The following ANKRD36B variants were observed in gnomAD, a reference collection of about 807,000 sequenced individuals.
ANKRD36B encodes the protein ankyrin repeat domain-containing protein 36B.
Under a neutral mutation model 135.7 loss-of-function variants are expected in ANKRD36B, and 37 were observed. The ratio of observed to expected loss-of-function variants is 0.27; its 90% CI spans 0.21 to 0.36. The LOEUF is 0.36. Ranked by LOEUF, ANKRD36B falls within the 10% of genes least tolerant of loss-of-function variation. The pLI is 1.00. For missense variants in ANKRD36B, 549 were observed against 1,037.1 expected (o/e 0.53, Z 6.46); for synonymous variants, 179 against 348.1 (o/e 0.51, Z 5.41).
intron 14 of ANKRD36B, among the ~76,000 whole-genome samples, chr2:97,553,807 G>A (rs1426424731): frequency 6.6e-6 from 1 of 151,842 alleles, no homozygotes; most frequent in Non-Finnish European, 1.5e-5. Flanking sequence ...TCATTAACTT[G>A]CCCAGTAACT....
At chr2:97,565,538 A>C (rs2081362141) in intron 6 of ANKRD36B, among the ~76,000 whole-genome samples, 1 of 152,236 alleles carries the variant, frequency 6.6e-6, no homozygotes, top group South Asian at 2.1e-4. Context: ...AAAAGTGGGC[A>C]AAGGATATGA....
rs1427430424 is a variant in ANKRD36B, at chr2:97,537,242, T to C, written c.2090-746A>G. The stretch of plus-strand genomic sequence containing the variant: ...AATTGCTCCAGGCATTAGATATTAA[T>C]AAACTTACACATTTGGAAATCAGTC... On this transcript the variant is annotated intron_variant, in intron 32 of 43. Transcript: ENST00000359901. 4.1e-5 allele frequency among the ~76,000 whole-genome samples: 4 copies of C among 96,538 alleles called. 1 individual carries two copies. The highest frequency in any genetic ancestry group is 8.2e-5 in the Non-Finnish European group (3 of 36,392). The allele number at this position is 96,538 out of a possible 152,430, so 63.3% of individuals were successfully genotyped here.
chr2:97,589,418 A>G (rs1197598116), intron 1 of ANKRD36B, 107 bp downstream of exon 1: 2 of 394,242 alleles, frequency 5.1e-6, no homozygotes, highest in East Asian at 1.8e-4. Flanking sequence ...GCCCCCGTCC[A>G]TACCCCGAGC....
chr2:97,566,099 A>C (rs1335856000), intron 6 of ANKRD36B, among the ~76,000 whole-genome samples: 2 of 151,828 alleles, frequency 1.3e-5, no homozygotes, highest in East Asian at 3.9e-4. Context: ...GGATCACACG[A>C]GGTCAAAAGT....
At position 97,556,925 on chromosome 2, in the gene ANKRD36B, T is replaced by C. The variant is rs554595116; in HGVS notation, c.1069+12A>G. On this transcript the variant is annotated intron_variant, in intron 12 of 43. Transcript: ENST00000359901. ...GAGTGCACATGACATTAAATGTGTATTGCCAAATTACCTGTTCCAGATTTC... is the reference window on the plus strand; with the variant it reads ...GAGTGCACATGACATTAAATGTGTACTGCCAAATTACCTGTTCCAGATTTC... The C allele has an allele frequency of 1.3e-4, 206 of 1,579,348 alleles. 2 individuals are homozygous for C. In the South Asian group the frequency reaches 2.2e-3, roughly 17 times the overall value.
At chr2:97,559,373 G>T (rs2080821431) in intron 8 of ANKRD36B, among the ~76,000 whole-genome samples, 1 of 151,882 alleles carries the variant, frequency 6.6e-6, no homozygotes, top group African/African-American at 2.4e-5. Context: ...CAAGAAATCA[G>T]AAGGATTTAC....
Position 97,545,575 on chromosome 2 carries a change from G to T in ANKRD36B, c.1681+91C>A, listed in dbSNP as rs1576905117. 1.4e-5 allele frequency: 10 copies of T among 702,324 alleles called. 3 individuals are homozygous for T. Among genetic ancestry groups the T allele is most frequent in the East Asian group, 5.8e-5 (2 of 34,426 alleles). The allele number at this position is 702,324 out of a possible 1,614,324, so 43.5% of individuals were successfully genotyped here. A position where few individuals can be genotyped will look rare whatever the true frequency, so the allele number is the denominator to read the frequency against. On this transcript the variant is annotated intron_variant, in intron 24 of 43. Coordinates refer to ENST00000359901, the MANE Select transcript of ANKRD36B (RefSeq NM_001393939.1). Reference sequence around the variant, plus strand: ...CAGGAATACTAAATCAGAACATGAAGATTTGACGAACCCCCCGCTGCTTTA... The same window carrying T: ...CAGGAATACTAAATCAGAACATGAATATTTGACGAACCCCCCGCTGCTTTA...
At chr2:97,558,459 G>C (rs1424149560) in intron 10 of ANKRD36B, among the ~76,000 whole-genome samples, 1 of 151,870 alleles carries the variant, frequency 6.6e-6, no homozygotes, top group African/African-American at 2.4e-5. Flanking sequence ...GCAATACGAT[G>C]TGATGTCTGT....
chr2:97,568,844 T>G (rs2104857638), intron 6 of ANKRD36B, among the ~76,000 whole-genome samples: 1 of 152,272 alleles, frequency 6.6e-6, no homozygotes, highest in South Asian at 2.1e-4. Flanking sequence ...ACAAAAATAG[T>G]ATGACTCTCT....
intron 37 of ANKRD36B, among the ~76,000 whole-genome samples, chr2:97,513,985 G>C (rs2077680760): frequency 7.9e-6 from 1 of 127,166 alleles, no homozygotes; most frequent in Non-Finnish European, 1.5e-5. Context: ...GTATTTGATT[G>C]CTGTCTCATG....
rs1263056331 is a variant in ANKRD36B at position 97,549,629 on chromosome 2, G to T, written c.1376-15C>A. On this transcript the variant is annotated splice_polypyrimidine_tract_variant and intron_variant, in intron 18 of 43. Coordinates refer to ENST00000359901, the MANE Select transcript of ANKRD36B (RefSeq NM_001393939.1). ...CTGAGAAGACACTGAAAAGCAAAAG[G>T]GATTCATAATCACTCATATGTAAAT... is the stretch of plus-strand genomic sequence containing the variant. 1 of 1,607,686 alleles carries T rather than the reference G, an allele frequency of 6.2e-7. No homozygotes were observed. The highest frequency in any genetic ancestry group is 1.7e-5 in the Admixed American group (1 of 59,786).
At chr2:97,529,589 A>C (rs1426801880) in intron 35 of ANKRD36B, among the ~76,000 whole-genome samples, 2 of 95,828 alleles carry the variant, frequency 2.1e-5, no homozygotes, top group African/African-American at 6.3e-5. Context: ...AAGGGTATTC[A>C]ATTAGGAAAA....
intron 6 of ANKRD36B, among the ~76,000 whole-genome samples, chr2:97,566,054 C>T (rs1369164387): frequency 2.0e-5 from 3 of 151,830 alleles, no homozygotes; most frequent in African/African-American, 4.8e-5. Flanking sequence ...TGGCTCATGG[C>T]TGTGATCTCA....
Position 97,545,258 on chromosome 2 carries a change from T to A in ANKRD36B, c.1681+408A>T, listed in dbSNP as rs1268677852. Among the ~76,000 whole-genome samples the A allele has an allele frequency of 2.1e-5, 2 of 96,050 alleles. 1 individual carries two copies. Among genetic ancestry groups the A allele is most frequent in the Non-Finnish European group, 5.6e-5 (2 of 35,850 alleles). The allele number at this position is 96,050 out of a possible 152,430, so 63.0% of individuals were successfully genotyped here. A position where few individuals can be genotyped will look rare whatever the true frequency, so the allele number is the denominator to read the frequency against. Reference sequence around the variant, plus strand: ...CATCACTGGTCTTGTTACTTGTCATTCTACAGTGTTTTTGTGGTATTAGGA... The same window carrying A: ...CATCACTGGTCTTGTTACTTGTCATACTACAGTGTTTTTGTGGTATTAGGA... On this transcript the variant is annotated intron_variant, in intron 24 of 43. Transcript: ENST00000359901.
intron 6 of ANKRD36B, among the ~76,000 whole-genome samples, chr2:97,574,931 TC>T (rs1342674936): frequency 2.0e-5 from 3 of 152,126 alleles, no homozygotes; most frequent in African/African-American, 7.2e-5. Flanking sequence ...TTACGCAGGA[TC>T]TTGGTAGATT....
intron 24 of ANKRD36B, 110 bp downstream of exon 24, chr2:97,545,556 T>C (rs1175088991): frequency 1.6e-6 from 1 of 615,558 alleles, no homozygotes; most frequent in Non-Finnish European, 2.8e-6. Flanking sequence ...ATCTCAGGAA[T>C]ACTAAATCAG....
chr2:97,584,300 A>T (rs2082825697), intron 3 of ANKRD36B, among the ~76,000 whole-genome samples: 1 of 122,420 alleles, frequency 8.2e-6, no homozygotes, highest in Non-Finnish European at 1.6e-5. Flanking sequence ...AAGAATAATC[A>T]TCCCCAAAAC....
chr2:97,560,434 A>G (rs534012858), intron 8 of ANKRD36B, among the ~76,000 whole-genome samples: 3 of 151,946 alleles, frequency 2.0e-5, no homozygotes, highest in South Asian at 2.1e-4. Flanking sequence ...CTGCTCTCCA[A>G]TGTTTCTTCT....
At chr2:97,571,735 A>C (rs1029417860) in intron 6 of ANKRD36B, among the ~76,000 whole-genome samples, 3 of 149,618 alleles carry the variant, frequency 2.0e-5, no homozygotes, top group African/African-American at 5.1e-5. Flanking sequence ...TAGCCATTGG[A>C]TATAATACTT....
Sources: allele counts gnomAD v4.1 joint callset (sites outside exome capture counted in the v4.1 genomes callset), GRCh38; gene constraint gnomAD v4.1.1; transcripts MANE v1.5; gene names NCBI Gene and HGNC (gene_info 2026-07-23, HGNC 2026-07-21).